The following EBF3 variants were observed in gnomAD, a reference collection of about 807,000 sequenced individuals.
EBF3 encodes EBF transcription factor 3.
Under a neutral mutation model 77.1 loss-of-function variants are expected in EBF3, and 18 were observed. That is an observed-to-expected ratio of 0.23 (90% confidence interval 0.16 to 0.35). The LOEUF is 0.35. EBF3 is among the 10% of genes least tolerant of loss of function. The pLI, the probability that EBF3 is intolerant of heterozygous loss-of-function variation, is 1.00. For missense variants in EBF3, 558 were observed against 860.0 expected (o/e 0.65, Z 4.39); for synonymous variants, 350 against 343.5 (o/e 1.02, Z -0.21).
Position 129,860,428 on chromosome 10 carries a change from G to A in EBF3, c.1039+6713C>T, listed in dbSNP as rs557394855. Reference sequence around the variant, plus strand: ...TGTCCTTTGGGGAAGATGAATGGCCGTCCCCTGTCTGCTACATTTTGTCAG... The same window carrying A: ...TGTCCTTTGGGGAAGATGAATGGCCATCCCCTGTCTGCTACATTTTGTCAG... On this transcript the variant is annotated intron_variant, in intron 10 of 16. Coordinates refer to ENST00000440978, the MANE Select transcript of EBF3 (RefSeq NM_001375380.1). Among the ~76,000 whole-genome samples the A allele has an allele frequency of 8.5e-5, 13 of 152,296 alleles. No homozygotes were observed. In the South Asian group the frequency reaches 1.5e-3, roughly 17 times the overall value.
chr10:129,862,242 T>G (rs556665803), intron 10 of EBF3, among the ~76,000 whole-genome samples: 1 of 152,294 alleles, frequency 6.6e-6, no homozygotes, highest in East Asian at 1.9e-4. Context: ...AACGATTTCA[T>G]AAGCCTGAAG....
chr10:129,933,216 A>G (rs605090), intron 6 of EBF3, among the ~76,000 whole-genome samples: 124,485 of 152,216 alleles, frequency 0.82, 51,502 homozygotes, highest in East Asian at 0.96. Flanking sequence ...GCACCCACAC[A>G]CACACATACG....
At chr10:129,865,041 A>T (rs955715646) in intron 10 of EBF3, among the ~76,000 whole-genome samples, 3 of 152,206 alleles carry the variant, frequency 2.0e-5, no homozygotes, top group African/African-American at 7.2e-5. Flanking sequence ...CTGTCTGCAA[A>T]CACCAGGTCT....
chr10:129,946,681 C>T (rs372473442), intron 6 of EBF3, among the ~76,000 whole-genome samples: 38 of 152,266 alleles, frequency 2.5e-4, no homozygotes, highest in African/African-American at 8.7e-4. Flanking sequence ...GCAAGAGCTC[C>T]GGTGACCAAC....
chr10:129,856,762 G>A (rs929457850), intron 10 of EBF3, among the ~76,000 whole-genome samples: 1 of 152,214 alleles, frequency 6.6e-6, no homozygotes, highest in South Asian at 2.1e-4. Flanking sequence ...TTAGACTGAT[G>A]GTTGCACAAA....
chr10:129,841,042 T>TCCCCCCC lies in EBF3; in HGVS notation c.1373-17_1373-11dup. ...TTGCGACTGTAGCCGACTGTTGAAA[T>TCCCCCCC]CCCCCCCCCGGCCAAAAATAACATT... On this transcript the variant is annotated splice_polypyrimidine_tract_variant and intron_variant, in intron 13 of 16. Transcript: ENST00000440978. This position sits in a 1 kb window ranked among gnomAD's most constrained non-coding sequence, Gnocchi z 4.6. The TCCCCCCC allele has an allele frequency of 6.6e-7, 1 of 1,507,644 alleles. No individual in the cohort carries two copies. The highest frequency in any genetic ancestry group is 1.3e-5 in the South Asian group (1 of 76,900). The allele number at this position is 1,507,644 out of a possible 1,614,324, so 93.4% of individuals were successfully genotyped here. A position where few individuals can be genotyped will look rare whatever the true frequency, so the allele number is the denominator to read the frequency against.
intron 6 of EBF3, among the ~76,000 whole-genome samples, chr10:129,920,273 G>C (rs75240680): frequency 1.8e-3 from 164 of 90,716 alleles, no homozygotes; most frequent in African/African-American, 4.9e-3. Context: ...AGTCTAGGGC[G>C]AGTATCTCCA....
intron 8 of EBF3, among the ~76,000 whole-genome samples, chr10:129,871,392 G>A (rs543477096): frequency 1.3e-5 from 2 of 152,346 alleles, no homozygotes; most frequent in South Asian, 4.2e-4. Flanking sequence ...CACAGCAGCA[G>A]CAGGGGGAAT....
At chr10:129,899,854 G>A (rs1249450384) in intron 6 of EBF3, among the ~76,000 whole-genome samples, 1 of 152,156 alleles carries the variant, frequency 6.6e-6, no homozygotes, top group Non-Finnish European at 1.5e-5. Flanking sequence ...GCTGTCATTA[G>A]TTAAATTAAT....
intron 6 of EBF3, among the ~76,000 whole-genome samples, chr10:129,891,370 G>A (rs1162566170): frequency 1.3e-5 from 2 of 152,004 alleles, no homozygotes; most frequent in South Asian, 2.1e-4. Context: ...TAAGCTATTC[G>A]CACTTCCTCC....
chr10:129,907,638 G>A (rs1028701105), intron 6 of EBF3, among the ~76,000 whole-genome samples: 1 of 152,114 alleles, frequency 6.6e-6, no homozygotes, highest in African/African-American at 2.4e-5. Context: ...TAATTATTAA[G>A]GTTGAATAAA....
chr10:129,869,271 C>T (rs1399745617), intron 8 of EBF3, among the ~76,000 whole-genome samples: 2 of 152,150 alleles, frequency 1.3e-5, no homozygotes, highest in East Asian at 1.9e-4. Context: ...CCCTGAGGCC[C>T]GAGGAGTACC....
chr10:129,877,481 CAAAAAA>C (rs10541156), intron 7 of EBF3, among the ~76,000 whole-genome samples: 2 of 77,252 alleles, frequency 2.6e-5, no homozygotes, highest in Non-Finnish European at 4.8e-5. Context: ...ACTCTGTCTC[CAAAAAA>C]AAAAAAAAAA....
At chr10:129,941,925 G>A (rs1435558274) in intron 6 of EBF3, among the ~76,000 whole-genome samples, 1 of 152,240 alleles carries the variant, frequency 6.6e-6, no homozygotes, top group Non-Finnish European at 1.5e-5. Context: ...ACCCACAAGG[G>A]ATGACACAGG....
At chr10:129,882,502 C>T (rs758343239) in intron 6 of EBF3, among the ~76,000 whole-genome samples, 2 of 152,234 alleles carry the variant, frequency 1.3e-5, no homozygotes, top group African/African-American at 2.4e-5. Context: ...CAATAATCAG[C>T]GGTCCTGACA....
intron 6 of EBF3, among the ~76,000 whole-genome samples, chr10:129,941,777 G>C (rs111964453): frequency 6.6e-6 from 1 of 152,334 alleles, no homozygotes; most frequent in African/African-American, 2.4e-5. Context: ...CTTCCAGAAG[G>C]CTTCCTGAGT....
intron 6 of EBF3, among the ~76,000 whole-genome samples, chr10:129,941,470 G>A (rs537615711): frequency 2.6e-5 from 4 of 152,216 alleles, no homozygotes; most frequent in African/African-American, 7.2e-5. Flanking sequence ...CCCACCACCC[G>A]GGGACAGTGC....
Position 129,938,252 on chromosome 10 carries a change from T to C in EBF3, c.554+19006A>G, listed in dbSNP as rs534990990. On this transcript the variant is annotated intron_variant, in intron 6 of 16. Transcript: ENST00000440978. This position sits in a 1 kb window ranked among gnomAD's most constrained non-coding sequence, Gnocchi z 5.1. ...AATTAGTGGGTTTTTTTAAAGTTCA[T>C]GGCGGGGCCGGGTGCAATGGCTCTC... Among the ~76,000 whole-genome samples, 5 of 152,042 alleles carry C rather than the reference T, an allele frequency of 3.3e-5. No individual in the cohort carries two copies. In the East Asian group the frequency reaches 9.7e-4, roughly 30 times the overall value.
chr10:129,896,624 C>G (rs931904169), intron 6 of EBF3, among the ~76,000 whole-genome samples: 1 of 152,222 alleles, frequency 6.6e-6, no homozygotes, highest in Admixed American at 6.5e-5. Flanking sequence ...GCGAGCCTCC[C>G]GGAGGCGGTG....
Sources: allele counts gnomAD v4.1 joint callset (sites outside exome capture counted in the v4.1 genomes callset), GRCh38; gene constraint gnomAD v4.1.1; non-coding constraint Gnocchi (gnomAD v3.1); transcripts MANE v1.5; gene names NCBI Gene and HGNC (gene_info 2026-07-23, HGNC 2026-07-21).